Variants in CACNA2D2 observed in about 807,000 individuals in gnomAD.
CACNA2D2 encodes voltage-dependent calcium channel subunit alpha-2/delta-2.
CACNA2D2 carries 48 observed loss-of-function variants against 166.4 expected under a neutral mutation model. That is an observed-to-expected ratio of 0.29 (90% CI 0.23 to 0.37). The LOEUF (loss-of-function observed/expected upper bound fraction) is 0.37, where lower values mean the gene tolerates loss of function less well. Among genes scored for constraint, CACNA2D2 ranks in the 10% least tolerant of loss-of-function variants. The pLI is 1.00. For missense variants in CACNA2D2, 1,122 were observed against 1,433.0 expected, an observed-to-expected ratio of 0.78 and a Z score of 3.50; for synonymous variants, 561 against 573.7, an observed-to-expected ratio of 0.98 and a Z score of 0.32.
chr3:50,459,640 G>A (rs1479554049), intron 2 of CACNA2D2, among the ~76,000 whole-genome samples: 1 of 152,142 alleles, frequency 6.6e-6, no homozygotes. Context: ...ACCTAGGTGC[G>A]AACTCAGAAA....
chr3:50,382,023 A>ACACACAC (rs1559894140), intron 6 of CACNA2D2, among the ~76,000 whole-genome samples: 1 of 117,192 alleles, frequency 8.5e-6, no homozygotes, highest in African/African-American at 4.1e-5. Context: ...CACACACACA[A>ACACACAC]ACAAGGCTCC....
rs201185867 is a variant in CACNA2D2, at chr3:50,381,441, TC to T, written c.653-316del. Among the ~76,000 whole-genome samples the T allele has an allele frequency of 9.7e-4, 147 of 152,182 alleles. 1 individual carries two copies. In the East Asian group the frequency reaches 0.018, roughly 18 times the overall value. On this transcript the variant is annotated intron_variant, in intron 6 of 37. Transcript: ENST00000424201. The stretch of plus-strand genomic sequence containing the variant: ...GCCCAGGTGGCTGGGTGCTGGGAAC[TC>T]GGAGCCCTCAGTCCAGCATGCTGCC...
intron 3 of CACNA2D2, among the ~76,000 whole-genome samples, chr3:50,405,524 C>A (rs1706666173): frequency 6.6e-6 from 1 of 152,134 alleles, no homozygotes; most frequent in Admixed American, 6.5e-5. Flanking sequence ...CCCCCTCATT[C>A]CTCGGTGGCA....
At chr3:50,445,381 G>C (rs1038872442) in intron 2 of CACNA2D2, among the ~76,000 whole-genome samples, 1 of 152,222 alleles carries the variant, frequency 6.6e-6, no homozygotes, top group Non-Finnish European at 1.5e-5. Flanking sequence ...GTAGGCACCA[G>C]AGTCACTGTG....
At position 50,460,167 on chromosome 3, in the gene CACNA2D2, T is replaced by G. The variant is rs78964043; in HGVS notation, c.288+15951A>C. On this transcript the variant is annotated intron_variant, in intron 2 of 37. Coordinates refer to ENST00000424201, the MANE Select transcript of CACNA2D2 (RefSeq NM_006030.4). ...TTAAAATTAAAGAAAAAAAGGAGAC[T>G]AGGGAGACATGACAACTAAATGCAA... Among the ~76,000 whole-genome samples the G allele has an allele frequency of 2.5e-3, 382 of 152,296 alleles. 6 individuals are homozygous for G. In the East Asian group the frequency reaches 0.049, roughly 20 times the overall value.
At chr3:50,439,859 G>A (rs545873619) in intron 2 of CACNA2D2, among the ~76,000 whole-genome samples, 1 of 152,348 alleles carries the variant, frequency 6.6e-6, no homozygotes, top group East Asian at 1.9e-4. Context: ...GCGACAGGTA[G>A]TGACCAGTTC....
chr3:50,391,735 G>A (rs1469970461), intron 4 of CACNA2D2, among the ~76,000 whole-genome samples: 1 of 152,232 alleles, frequency 6.6e-6, no homozygotes, highest in Non-Finnish European at 1.5e-5. Context: ...CTGTTCCTCA[G>A]AGGTTTGCAT....
intron 1 of CACNA2D2, among the ~76,000 whole-genome samples, chr3:50,501,269 A>G (rs549434315): frequency 6.6e-6 from 1 of 152,270 alleles, no homozygotes; most frequent in South Asian, 2.1e-4. Flanking sequence ...ATCAATGTGC[A>G]TCCTCGTCTG....
chr3:50,423,527 G>A (rs1197320787), intron 3 of CACNA2D2, among the ~76,000 whole-genome samples: 1 of 152,254 alleles, frequency 6.6e-6, no homozygotes, highest in Non-Finnish European at 1.5e-5. Flanking sequence ...CCTGTGGGAT[G>A]AATATGTGAA....
At chr3:50,434,252 A>T (rs920813204) in intron 3 of CACNA2D2, 61 bp downstream of exon 3, 1 of 1,155,604 alleles carries the variant, frequency 8.7e-7, no homozygotes, top group Non-Finnish European at 1.3e-6. Flanking sequence ...CTCATGGTAC[A>T]GGACCTCTCC....
At chr3:50,413,130 C>T (rs933663152) in intron 3 of CACNA2D2, among the ~76,000 whole-genome samples, 4 of 152,120 alleles carry the variant, frequency 2.6e-5, no homozygotes, top group African/African-American at 7.2e-5. Context: ...CTGCTGCTGC[C>T]GCTGCCACCT....
chr3:50,434,171 G>A, intron 3 of CACNA2D2, 142 bp downstream of exon 3: 1 of 671,838 alleles, frequency 1.5e-6, no homozygotes, highest in South Asian at 1.7e-5. Flanking sequence ...CATTCCACGT[G>A]GGCACAGCCC....
At chr3:50,373,081 T>G (rs1427988776) in intron 22 of CACNA2D2, 1 of 1,534,704 alleles carries the variant, frequency 6.5e-7, no homozygotes, top group Non-Finnish European at 8.7e-7. Context: ...GTTTGCTGAT[T>G]GGCACTGGGA....
chr3:50,368,276 T>G (rs1704462009), intron 23 of CACNA2D2, 41 bp from the exon 24 acceptor site: 2 of 1,275,388 alleles, frequency 1.6e-6, no homozygotes, highest in East Asian at 4.6e-5. Flanking sequence ...CTTGGGGGGC[T>G]GGACAGGGCA....
At position 50,363,593 on chromosome 3, in the gene CACNA2D2, A is replaced by C; in HGVS notation, c.*1073T>G. 3.7e-6 allele frequency: 1 copy of C among 270,702 alleles called. No individual in the cohort carries two copies. Among genetic ancestry groups the C allele is most frequent in the Admixed American group, 5.4e-5 (1 of 18,358 alleles). The allele number at this position is 270,702 out of a possible 1,614,324, so 16.8% of individuals were successfully genotyped here. ...GCACAGGCCTGAGTGTGTAAGGGCC[A>C]GATTGGCGGAAGGATGGCCCAGCCA... On this transcript the variant is annotated 3_prime_UTR_variant, in exon 38 of 38. Coordinates refer to ENST00000424201, the MANE Select transcript of CACNA2D2 (RefSeq NM_006030.4).
At chr3:50,368,494 C>T (rs72934811) in intron 23 of CACNA2D2, among the ~76,000 whole-genome samples, 3,941 of 152,270 alleles carry the variant, frequency 0.026, 176 homozygotes, top group African/African-American at 0.09. Context: ...TCCGCAGAGC[C>T]TCCCGTCTCT....
intron 1 of CACNA2D2, among the ~76,000 whole-genome samples, chr3:50,487,827 C>T (rs1031247622): frequency 9.2e-5 from 14 of 152,158 alleles, no homozygotes; most frequent in Admixed American, 1.3e-4. Flanking sequence ...CCAACTAGCT[C>T]GCTCACTCCC....
At chr3:50,433,483 T>C (rs1181051307) in intron 3 of CACNA2D2, among the ~76,000 whole-genome samples, 2 of 152,090 alleles carry the variant, frequency 1.3e-5, no homozygotes, top group African/African-American at 2.4e-5. Flanking sequence ...GCCTCCTGAG[T>C]AGCTGAGACT....
intron 2 of CACNA2D2, among the ~76,000 whole-genome samples, chr3:50,467,249 A>C (rs1054359130): frequency 6.6e-6 from 1 of 152,140 alleles, no homozygotes; most frequent in Admixed American, 6.5e-5. Flanking sequence ...TGGGCCCTCC[A>C]TACCCTCACA....
Sources: allele counts gnomAD v4.1 joint callset (sites outside exome capture counted in the v4.1 genomes callset), GRCh38; gene constraint gnomAD v4.1.1; transcripts MANE v1.5; gene names NCBI Gene and HGNC (gene_info 2026-07-23, HGNC 2026-07-21).